Variants in CREB3L2 observed in about 807,000 individuals in gnomAD.
The protein encoded by CREB3L2 is cyclic AMP-responsive element-binding protein 3-like protein 2.
A neutral mutation model predicts 57.2 loss-of-function variants in CREB3L2; 23 were observed. That is an observed-to-expected ratio of 0.40 (90% CI 0.29 to 0.57). The LOEUF (loss-of-function observed/expected upper bound fraction) is 0.57. Ranked by LOEUF, CREB3L2 falls within the 20% of genes least tolerant of loss-of-function variation. The probability of loss-of-function intolerance (pLI) is 0.42; values close to 1 mark genes in which losing one functional copy is unlikely to be tolerated. For missense variants in CREB3L2, 628 were observed against 634.7 expected (o/e 0.99, Z 0.11); for synonymous variants, 268 against 265.1 (o/e 1.01, Z -0.11).
At chr7:137,943,745 G>A (rs1051403990) in intron 1 of CREB3L2, among the ~76,000 whole-genome samples, 2 of 152,236 alleles carry the variant, frequency 1.3e-5, no homozygotes, top group Non-Finnish European at 1.5e-5. Context: ...TGATATTGTC[G>A]ATGAGATGAT....
chr7:137,938,376 C>G (rs902911772), intron 1 of CREB3L2, among the ~76,000 whole-genome samples: 63 of 152,212 alleles, frequency 4.1e-4, no homozygotes, highest in African/African-American at 1.4e-3. Context: ...GACAGAGTCT[C>G]ACTCTGTCGC....
At chr7:137,985,312 T>C (rs920478957) in intron 1 of CREB3L2, among the ~76,000 whole-genome samples, 31 of 152,164 alleles carry the variant, frequency 2.0e-4, no homozygotes, top group African/African-American at 6.5e-4. Flanking sequence ...CTCAACAATA[T>C]GTACATCAAC....
At chr7:137,979,416 A>G (rs1801672311) in intron 1 of CREB3L2, among the ~76,000 whole-genome samples, 2 of 152,208 alleles carry the variant, frequency 1.3e-5, no homozygotes, top group Admixed American at 6.5e-5. Context: ...TGGTCCTACC[A>G]GTCCTTAGTT....
chr7:137,965,556 A>G (rs1247353827), intron 1 of CREB3L2, among the ~76,000 whole-genome samples: 2 of 152,212 alleles, frequency 1.3e-5, no homozygotes, highest in African/African-American at 4.8e-5. Flanking sequence ...TTCTTCTGGA[A>G]TACTTCCTTA....
intron 1 of CREB3L2, among the ~76,000 whole-genome samples, chr7:137,997,316 C>T (rs1802002655): frequency 6.6e-6 from 1 of 152,222 alleles, no homozygotes; most frequent in Admixed American, 6.5e-5. Flanking sequence ...TTGACTTCCA[C>T]TTCCCCAAGC....
At chr7:137,947,973 C>T (rs1006978205) in intron 1 of CREB3L2, among the ~76,000 whole-genome samples, 3 of 152,126 alleles carry the variant, frequency 2.0e-5, no homozygotes, top group Admixed American at 6.5e-5. Context: ...CCTGGAGCCT[C>T]GGGCTCTGCC....
chr7:137,940,648 G>A (rs1439321347), intron 1 of CREB3L2, among the ~76,000 whole-genome samples: 2 of 152,336 alleles, frequency 1.3e-5, no homozygotes, highest in East Asian at 3.9e-4. Flanking sequence ...TCTCTGAACA[G>A]AACGTGCATG....
Position 138,001,708 on chromosome 7 carries a change from C to A in CREB3L2, c.-3G>T, listed in dbSNP as rs1004036874. Reference sequence around the variant, plus strand: ...TCCCCGCTCTCCAGCACCTCCATGGCGGTGCGGGCCGCGCTGGGCCGAGGA... The same window carrying A: ...TCCCCGCTCTCCAGCACCTCCATGGAGGTGCGGGCCGCGCTGGGCCGAGGA... On this transcript the variant is annotated 5_prime_UTR_variant, in exon 1 of 12. Transcript: ENST00000330387. The surrounding 1 kb of genome is among the most constrained non-coding windows in gnomAD (Gnocchi z 4.2). 6.9e-6 allele frequency: 11 copies of A among 1,604,628 alleles called. No individual in the cohort carries two copies. The highest frequency in any genetic ancestry group is 1.7e-5 in the Admixed American group (1 of 59,454).
At chr7:137,962,567 C>T (rs779847315) in intron 1 of CREB3L2, among the ~76,000 whole-genome samples, 3 of 152,110 alleles carry the variant, frequency 2.0e-5, no homozygotes, top group Non-Finnish European at 2.9e-5. Flanking sequence ...TGCACCTTCA[C>T]TGCCCCCAGA....
chr7:137,941,272 C>T (rs977243552), intron 1 of CREB3L2, among the ~76,000 whole-genome samples: 6 of 152,116 alleles, frequency 3.9e-5, no homozygotes, highest in African/African-American at 7.2e-5. Flanking sequence ...ATGAATTCAT[C>T]GATACAAGTC....
chr7:137,909,977 C>T (rs1799973226), intron 4 of CREB3L2, among the ~76,000 whole-genome samples: 1 of 152,120 alleles, frequency 6.6e-6, no homozygotes, highest in Admixed American at 6.5e-5. Flanking sequence ...GTAAAATGTG[C>T]CTTTCGCTTT....
At position 137,879,384 on chromosome 7, in the gene CREB3L2, G is replaced by T; in HGVS notation, c.*1092C>A. 2.2e-6 allele frequency: 1 copy of T among 463,520 alleles called. No individual in the cohort carries two copies. The highest frequency in any genetic ancestry group is 4.1e-6 in the Non-Finnish European group (1 of 244,176). 28.7% of individuals were successfully genotyped at this position (463,520 alleles called of 1,614,324 possible). A position where few individuals can be genotyped will look rare whatever the true frequency, so the allele number is the denominator to read the frequency against. ...GCAGGTGTGGAAAGCCAGCAAGGTT[G>T]TCTGAAATGTCTGTTGTCAGAACAG... is the stretch of plus-strand genomic sequence containing the variant. On this transcript the variant is annotated 3_prime_UTR_variant, in exon 12 of 12. Coordinates refer to ENST00000330387, the MANE Select transcript of CREB3L2 (RefSeq NM_194071.4).
intron 8 of CREB3L2, among the ~76,000 whole-genome samples, chr7:137,900,947 G>T (rs557988544): frequency 6.6e-6 from 1 of 152,070 alleles, no homozygotes; most frequent in African/African-American, 2.4e-5. Flanking sequence ...GGAGAATCAG[G>T]CTTGTTGATC....
intron 1 of CREB3L2, among the ~76,000 whole-genome samples, chr7:137,993,059 G>A (rs544105650): frequency 3.9e-5 from 6 of 152,304 alleles, no homozygotes; most frequent in Non-Finnish European, 4.4e-5. Context: ...GCACAATGTA[G>A]GAGCTGGAGA....
intron 2 of CREB3L2, among the ~76,000 whole-genome samples, chr7:137,920,607 C>G (rs1004026400): frequency 6.6e-6 from 1 of 152,194 alleles, no homozygotes; most frequent in Non-Finnish European, 1.5e-5. Context: ...ATAAATTAAA[C>G]CCATTACATT....
At chr7:137,951,859 G>A (rs1341066920) in intron 1 of CREB3L2, among the ~76,000 whole-genome samples, 2 of 152,114 alleles carry the variant, frequency 1.3e-5, no homozygotes, top group African/African-American at 4.8e-5. Context: ...GCGTGGTGGT[G>A]CACAGCTGCA....
chr7:137,885,768 C>G (rs1485921201), intron 8 of CREB3L2, among the ~76,000 whole-genome samples: 1 of 152,192 alleles, frequency 6.6e-6, no homozygotes, highest in East Asian at 1.9e-4. Flanking sequence ...CTCCACATTA[C>G]CCCTGACAGG....
At chr7:137,977,664 T>C (rs964583901) in intron 1 of CREB3L2, among the ~76,000 whole-genome samples, 12 of 152,218 alleles carry the variant, frequency 7.9e-5, no homozygotes, top group African/African-American at 1.9e-4. Context: ...CTCATGCCTG[T>C]ACGCCCAGCA....
chr7:137,884,690 C>T, intron 10 of CREB3L2: 1 of 593,300 alleles, frequency 1.7e-6, no homozygotes, highest in Non-Finnish European at 3.0e-6. Context: ...CTCTTTCCCT[C>T]ATCTGCTTCC....
Sources: allele counts gnomAD v4.1 joint callset (sites outside exome capture counted in the v4.1 genomes callset), GRCh38; gene constraint gnomAD v4.1.1; non-coding constraint Gnocchi (gnomAD v3.1); transcripts MANE v1.5; gene names NCBI Gene and HGNC (gene_info 2026-07-23, HGNC 2026-07-21).